Variants in TENM1 observed in about 807,000 individuals in gnomAD.
The protein encoded by TENM1 is teneurin-1.
Under a neutral mutation model 174.8 loss-of-function variants are expected in TENM1, and 35 were observed. That is an observed-to-expected ratio of 0.20 (90% confidence interval 0.15 to 0.27). The LOEUF (loss-of-function observed/expected upper bound fraction) is 0.27, where lower values mean the gene tolerates loss of function less well. Ranked by LOEUF, TENM1 falls within the 10% of genes least tolerant of loss-of-function variation. The pLI, the probability that TENM1 is intolerant of heterozygous loss-of-function variation, is 1.00. For synonymous variants in TENM1, 781 were observed against 798.7 expected, an observed-to-expected ratio of 0.98 and a Z score of 0.37; for missense variants, 1,633 against 2,130.1, an observed-to-expected ratio of 0.77 and a Z score of 4.59.
intron 3 of TENM1, among the ~76,000 whole-genome samples, chrX:124,755,022 A>G (rs1225084444): frequency 6.9e-5 from 7 of 101,058 alleles, no homozygotes; most frequent in Non-Finnish European, 1.4e-4. Flanking sequence ...TGCAGAGCTG[A>G]GTTCAATTCC....
the TENM1 span, among the ~76,000 whole-genome samples, chrX:125,147,647 C>T: frequency 9.0e-6 from 1 of 110,788 alleles, no homozygotes; most frequent in African/African-American, 3.3e-5. Flanking sequence ...CCCTTATATG[C>T]CTACCTAACC....
chrX:124,779,783 C>T (rs1313329944), intron 3 of TENM1, among the ~76,000 whole-genome samples: 1 of 111,576 alleles, frequency 9.0e-6, no homozygotes, highest in Non-Finnish European at 1.9e-5. Context: ...GTAATTCCCA[C>T]CATATAATCT....
chrX:124,384,024 A>G, exon 30 of TENM1: 1 of 1,211,750 alleles, frequency 8.3e-7, no homozygotes, highest in Non-Finnish European at 1.1e-6. Context: ...TGGAGATCAT[A>G]ATACAGAGAT....
the TENM1 span, among the ~76,000 whole-genome samples, chrX:125,123,982 G>C: frequency 8.9e-6 from 1 of 112,494 alleles, no homozygotes; most frequent in East Asian, 2.8e-4. Context: ...TGAGTAGCTG[G>C]TGTGATGCTG....
the TENM1 span, among the ~76,000 whole-genome samples, chrX:125,155,024 G>T: frequency 9.0e-6 from 1 of 111,633 alleles, no homozygotes; most frequent in Admixed American, 9.5e-5. Flanking sequence ...GCCACTGCTG[G>T]CTCGGGCAGC....
At chrX:125,173,555 C>T in the TENM1 span, among the ~76,000 whole-genome samples, 1 of 111,283 alleles carries the variant, frequency 9.0e-6, no homozygotes, top group African/African-American at 3.3e-5. Context: ...CTTATTGTCT[C>T]ACCCTCACTA....
At chrX:124,668,176 G>A (rs186541668) in intron 6 of TENM1, among the ~76,000 whole-genome samples, 115 of 111,501 alleles carry the variant, frequency 1.0e-3, no homozygotes, top group Non-Finnish European at 1.6e-3. Context: ...TTAGAATGGC[G>A]ATCATTAAAA....
chrX:124,430,069 G>A (rs1349367547), intron 23 of TENM1, among the ~76,000 whole-genome samples: 2 of 111,123 alleles, frequency 1.8e-5, no homozygotes, highest in African/African-American at 3.3e-5. Context: ...GGGACAGGCC[G>A]GAAGGAGACC....
At chrX:124,596,666 C>T (rs977134018) in intron 11 of TENM1, among the ~76,000 whole-genome samples, 2 of 111,010 alleles carry the variant, frequency 1.8e-5, no homozygotes, top group African/African-American at 6.6e-5. Context: ...TAATATGTGT[C>T]GTAAGGAGAG....
At chrX:124,832,214 T>A (rs918301253) in intron 3 of TENM1, among the ~76,000 whole-genome samples, 1 of 112,186 alleles carries the variant, frequency 8.9e-6, no homozygotes, top group African/African-American at 3.2e-5. Flanking sequence ...AATGAAAACA[T>A]ATGCATCTTA....
chrX:124,769,186 G>A (rs1477128259), intron 3 of TENM1, among the ~76,000 whole-genome samples: 1 of 111,708 alleles, frequency 9.0e-6, no homozygotes, highest in African/African-American at 3.2e-5. Context: ...TTTAATGAGT[G>A]CATGTCTATT....
At chrX:124,472,622 C>T (rs1234304172) in intron 22 of TENM1, among the ~76,000 whole-genome samples, 14 of 110,805 alleles carry the variant, frequency 1.3e-4, no homozygotes. Flanking sequence ...CCAAAGAAAT[C>T]TTAGTTTGCT....
At chrX:124,641,823 T>A in exon 11 of TENM1, 1 of 1,211,846 alleles carries the variant, frequency 8.3e-7, no homozygotes, top group Non-Finnish European at 1.1e-6. Flanking sequence ...CCACTTGGGA[T>A]CACAGCTGCA....
chrX:125,021,964 C>T, the TENM1 span, among the ~76,000 whole-genome samples: 1 of 112,305 alleles, frequency 8.9e-6, no homozygotes, highest in African/African-American at 3.2e-5. Context: ...CCCTTTTTCC[C>T]TCTGGTGATG....
chrX:124,840,419 T>A (rs1008781972), intron 3 of TENM1, among the ~76,000 whole-genome samples: 5 of 112,001 alleles, frequency 4.5e-5, no homozygotes, highest in African/African-American at 1.6e-4. Context: ...CAATGAGACT[T>A]AGTAATAAAC....
chrX:125,203,377 C>T, the TENM1 span, among the ~76,000 whole-genome samples: 2 of 112,457 alleles, frequency 1.8e-5, no homozygotes, highest in Non-Finnish European at 3.8e-5. Flanking sequence ...CATCCTCACC[C>T]CAAGCACCCA....
At chrX:124,507,639 C>T (rs1453721487) in intron 18 of TENM1, among the ~76,000 whole-genome samples, 1 of 111,921 alleles carries the variant, frequency 8.9e-6, no homozygotes, top group Non-Finnish European at 1.9e-5. Context: ...ATTTGTATGA[C>T]ATGGGGATGG....
chrX:124,598,141 C>T (rs750258127), intron 11 of TENM1, among the ~76,000 whole-genome samples: 39 of 111,532 alleles, frequency 3.5e-4, no homozygotes, highest in Non-Finnish European at 6.0e-4. Context: ...TACTCAACAT[C>T]ACTTATCATC....
chrX:124,520,898 C>G, intron 17 of TENM1, 114 bp from the exon 21 acceptor site: 1 of 722,203 alleles, frequency 1.4e-6, no homozygotes, highest in Non-Finnish European at 1.9e-6. Flanking sequence ...AGAGCTTAAA[C>G]AGGTCTAAGG....
Sources: allele counts gnomAD v4.1 joint callset (sites outside exome capture counted in the v4.1 genomes callset), GRCh38; gene constraint gnomAD v4.1.1; transcripts MANE v1.5; gene names NCBI Gene and HGNC (gene_info 2026-07-23, HGNC 2026-07-21).